The following DDX59 variants were observed in gnomAD, a reference collection of about 807,000 sequenced individuals.
DDX59 encodes the protein probable ATP-dependent RNA helicase DDX59.
Under a neutral mutation model 51.9 loss-of-function variants are expected in DDX59, and 30 were observed. The observed-to-expected ratio is 0.58, with a 90% CI of 0.43 to 0.78. The LOEUF is 0.78. Ranked by LOEUF, DDX59 falls within the 30% of genes least tolerant of loss-of-function variation. DDX59 has a pLI of 0.00. For synonymous variants in DDX59, 255 were observed against 253.3 expected (o/e 1.01, Z -0.06); for missense variants, 672 against 730.8 (o/e 0.92, Z 0.93).
intron 3 of DDX59, among the ~76,000 whole-genome samples, chr1:200,660,027 C>T (rs981863665): frequency 1.3e-5 from 2 of 152,144 alleles, no homozygotes; most frequent in South Asian, 2.1e-4. Flanking sequence ...TGCTTTAATA[C>T]CAATCACATC....
At chr1:200,648,246 T>A (rs1018203962) in intron 7 of DDX59, among the ~76,000 whole-genome samples, 193 bp downstream of exon 7, 2 of 152,090 alleles carry the variant, frequency 1.3e-5, no homozygotes, top group Non-Finnish European at 2.9e-5. Flanking sequence ...CAGGTTGGTC[T>A]GTGAACCCCT....
At chr1:200,662,236 A>G (rs57542140) in intron 3 of DDX59, among the ~76,000 whole-genome samples, 18,043 of 152,166 alleles carry the variant, frequency 0.12, 1,565 homozygotes, top group East Asian at 0.42. Flanking sequence ...ATTGTATTAC[A>G]GTTATGTAAG....
Position 200,666,411 on chromosome 1 carries a change from G to A in DDX59, c.330C>T (p.Val110=), listed in dbSNP as rs780029470. The change falls in exon 2 of 8, where the codon GTC becomes GTT. Residue 110 remains valine, a synonymous_variant. Transcript: ENST00000331314. ...WAEPGEPICV[V]CGRYGEYICD... ...AGATATACTCTCCATAACGACCACA[G>A]ACAACACAGATGGGTTCCCCTGGTT... 1 of 1,614,166 alleles carries A rather than the reference G, an allele frequency of 6.2e-7. No homozygotes were observed. Among genetic ancestry groups the A allele is most frequent in the Non-Finnish European group, 8.5e-7 (1 of 1,180,032 alleles).
At position 200,660,535 on chromosome 1, in the gene DDX59, C is replaced by A. The variant is rs138004255; in HGVS notation, c.973-1419G>T. ...GAGGAGGGCATCGCTGTGGGCAGGG[C>A]GGTGCTGATGGCGGGAGGTAGGCTA... On this transcript the variant is annotated intron_variant, in intron 3 of 7. Coordinates refer to ENST00000331314, the MANE Select transcript of DDX59 (RefSeq NM_001031725.6). 3.9e-5 allele frequency among the ~76,000 whole-genome samples: 6 copies of A among 151,934 alleles called. No homozygotes were observed. The East Asian group carries it at 1.2e-3, about 29-fold the overall frequency.
chr1:200,657,480 T>G (rs1333638202), intron 4 of DDX59, among the ~76,000 whole-genome samples: 1 of 152,060 alleles, frequency 6.6e-6, no homozygotes, highest in African/African-American at 2.4e-5. Context: ...GCGGGTGCAG[T>G]GGCTCACACC....
chr1:200,669,069 G>A (rs901171631), intron 1 of DDX59, among the ~76,000 whole-genome samples: 4 of 152,168 alleles, frequency 2.6e-5, no homozygotes, highest in Non-Finnish European at 2.9e-5. Context: ...ATGGTCACTT[G>A]AATCTGGCTC....
Position 200,664,023 on chromosome 1 carries a change from G to C in DDX59, c.868C>G (p.Gln290Glu). 4 of 1,614,182 alleles carry C rather than the reference G, an allele frequency of 2.5e-6. No homozygotes were observed. Among genetic ancestry groups the C allele is most frequent in the Non-Finnish European group, 3.4e-6 (4 of 1,180,030 alleles). ...TRELAIQIER[Q>E]AKELMSGLPR... ...AGGCCACTCATCAATTCTTTAGCTTGTCTCTCTATCTGAATGGCTAACTCT... is the reference window on the plus strand; with the variant it reads ...AGGCCACTCATCAATTCTTTAGCTTCTCTCTCTATCTGAATGGCTAACTCT... Residue 290 changes from glutamine to glutamate, a missense_variant, in exon 3 of 8, where the codon CAA becomes GAA. Transcript: ENST00000331314.
At chr1:200,656,975 T>G (rs1382257992) in intron 4 of DDX59, among the ~76,000 whole-genome samples, 1 of 151,988 alleles carries the variant, frequency 6.6e-6, no homozygotes. Context: ...TCAGGCCGGG[T>G]GCGGTGGCTC....
chr1:200,669,898 G>A lies in DDX59; in HGVS notation c.-143C>T, dbSNP rs978206224. 1 of 104,154 alleles carries A rather than the reference G, an allele frequency of 9.6e-6. No homozygotes were observed. The highest frequency in any genetic ancestry group is 3.3e-5 in the African/African-American group (1 of 30,434). 6.5% of individuals were successfully genotyped at this position (104,154 alleles called of 1,614,324 possible). Reference sequence around the variant, plus strand: ...GACTGCGGCCCGGGGTTGGTGGTGCGGAGCGGAGCGGAGCGGAGCGTAGAG... The same window carrying A: ...GACTGCGGCCCGGGGTTGGTGGTGCAGAGCGGAGCGGAGCGGAGCGTAGAG... On this transcript the variant is annotated 5_prime_UTR_variant, in exon 1 of 8. Coordinates refer to ENST00000331314, the MANE Select transcript of DDX59 (RefSeq NM_001031725.6).
chr1:200,646,399 A>T (rs1021753840), intron 7 of DDX59, among the ~76,000 whole-genome samples: 1 of 152,206 alleles, frequency 6.6e-6, no homozygotes, highest in Non-Finnish European at 1.5e-5. Context: ...TCTAGAGTAT[A>T]CAAAGAACTT....
At chr1:200,651,193 CAA>C (rs745645871) in intron 4 of DDX59, among the ~76,000 whole-genome samples, 1 of 151,660 alleles carries the variant, frequency 6.6e-6, no homozygotes, top group African/African-American at 2.4e-5. Context: ...TAGTTTTTTG[CAA>C]AGTTTGTTTT....
chr1:200,658,888 C>A (rs1662199821), intron 4 of DDX59, 139 bp downstream of exon 4: 2 of 634,224 alleles, frequency 3.2e-6, no homozygotes, highest in African/African-American at 1.8e-5. Flanking sequence ...TACACAGGAA[C>A]CTGCTGCAAT....
chr1:200,652,099 CT>C (rs1325809053), intron 4 of DDX59, among the ~76,000 whole-genome samples: 53 of 150,048 alleles, frequency 3.5e-4, no homozygotes, highest in Admixed American at 2.3e-3. Flanking sequence ...GTATTTAATT[CT>C]TTTTTTTCCC....
chr1:200,642,846 G>C (rs142444532), downstream of DDX59, among the ~76,000 whole-genome samples: 11 of 152,214 alleles, frequency 7.2e-5, 1 homozygote, highest in South Asian at 2.1e-4. Context: ...TTTCAAGAAG[G>C]GTGGCCCACA....
intron 4 of DDX59, among the ~76,000 whole-genome samples, chr1:200,651,914 A>C (rs1661686396): frequency 6.6e-6 from 1 of 151,004 alleles, no homozygotes; most frequent in African/African-American, 2.4e-5. Context: ...AGGCTGAGGC[A>C]GGAGGATGGC....
At chr1:200,668,181 G>A (rs1018480021) in intron 1 of DDX59, among the ~76,000 whole-genome samples, 3 of 152,000 alleles carry the variant, frequency 2.0e-5, no homozygotes, top group Non-Finnish European at 2.9e-5. Context: ...GGCGGCAGGC[G>A]CCTGTAGTCC....
intron 7 of DDX59, among the ~76,000 whole-genome samples, 159 bp downstream of exon 7, chr1:200,648,280 C>T (rs552078575): frequency 5.4e-4 from 82 of 152,222 alleles, no homozygotes; most frequent in Non-Finnish European, 5.9e-5. Flanking sequence ...CCATCCATTT[C>T]GAGTGATCTG....
rs1437106286 is a variant in DDX59 at position 200,644,298 on chromosome 1, T to C, written c.1816A>G (p.Met606Val). ...QNDLVTGANL[M>V]DIIRKHDKSN... ...TTATCATGTTTTCTGATAATATCCA[T>C]AAGATTAGCTCCTGTAACCAGATCA... The change falls in exon 8 of 8, where the codon ATG becomes GTG. Residue 606 changes from methionine (M) to valine (V), a missense_variant. By Grantham distance (21) the Met-to-Val change is conservative. Transcript: ENST00000331314. 4 of 1,593,786 alleles carry C rather than the reference T, an allele frequency of 2.5e-6. No homozygotes were observed. The highest frequency in any genetic ancestry group is 3.4e-6 in the Non-Finnish European group (4 of 1,172,532).
chr1:200,667,308 G>A (rs546912119), intron 1 of DDX59, among the ~76,000 whole-genome samples: 2 of 152,182 alleles, frequency 1.3e-5, no homozygotes, highest in South Asian at 2.1e-4. Context: ...GGCTGAGGGA[G>A]AAGAATCTCT....
Sources: gnomAD v4.1 joint callset for allele counts (sites outside exome capture counted in the v4.1 genomes callset) on GRCh38, gnomAD v4.1.1 for gene constraint, MANE v1.5 for transcripts, NCBI Gene and HGNC (gene_info 2026-07-23, HGNC 2026-07-21) for gene names.